TSPAN5: variants seen among roughly 807,000 people sequenced by gnomAD.
TSPAN5 encodes tetraspanin 5.
Under a neutral mutation model 37.1 loss-of-function variants are expected in TSPAN5, and 10 were observed. That is an observed-to-expected ratio of 0.27 (90% CI 0.17 to 0.46). The LOEUF (loss-of-function observed/expected upper bound fraction) is 0.46, where lower values mean the gene tolerates loss of function less well. TSPAN5 is among the 20% of genes least tolerant of loss of function. The pLI, the probability that TSPAN5 is intolerant of heterozygous loss-of-function variation, is 1.00. For missense variants in TSPAN5, 195 were observed against 326.6 expected (o/e 0.60, Z 3.11); for synonymous variants, 110 against 118.9 (o/e 0.93, Z 0.48).
intron 2 of TSPAN5, among the ~76,000 whole-genome samples, chr4:98,490,272 C>T (rs1431715728): frequency 1.3e-5 from 2 of 152,148 alleles, no homozygotes; most frequent in African/African-American, 2.4e-5. Context: ...GCAAACATAC[C>T]TATGCCCGAA....
At chr4:98,533,846 G>A (rs532378914) in intron 1 of TSPAN5, among the ~76,000 whole-genome samples, 6 of 145,572 alleles carry the variant, frequency 4.1e-5, no homozygotes, top group Admixed American at 7.0e-5. Flanking sequence ...CACAGCACCC[G>A]GCCCCCTATA....
At chr4:98,479,064 G>A (rs1184590197) in intron 4 of TSPAN5, among the ~76,000 whole-genome samples, 2 of 152,182 alleles carry the variant, frequency 1.3e-5, no homozygotes, top group Non-Finnish European at 2.9e-5. Flanking sequence ...TGGAAGAAGG[G>A]CAGAGCAGCT....
chr4:98,591,889 A>G (rs1297701500), intron 1 of TSPAN5, among the ~76,000 whole-genome samples: 1 of 151,978 alleles, frequency 6.6e-6, no homozygotes, highest in Admixed American at 6.5e-5. Context: ...TGAAAATGGT[A>G]AGAACCAAAA....
At chr4:98,618,490 A>T (rs1009584190) in intron 1 of TSPAN5, among the ~76,000 whole-genome samples, 2 of 152,246 alleles carry the variant, frequency 1.3e-5, no homozygotes, top group Non-Finnish European at 2.9e-5. Context: ...ACTAATATTG[A>T]TTGAGCTTCA....
chr4:98,512,203 C>T (rs959921881), intron 1 of TSPAN5, among the ~76,000 whole-genome samples: 7 of 151,994 alleles, frequency 4.6e-5, no homozygotes, highest in African/African-American at 1.2e-4. Flanking sequence ...CAGAGCAAGA[C>T]TCCGTCTCAA....
chr4:98,538,048 G>A (rs1416258497), intron 1 of TSPAN5, among the ~76,000 whole-genome samples: 2 of 152,252 alleles, frequency 1.3e-5, no homozygotes, highest in Non-Finnish European at 2.9e-5. Context: ...CTGAGGTGCT[G>A]GATGGTGTCA....
rs1377309675 is a variant in TSPAN5, at chr4:98,510,880, A to G, written c.82-3152T>C. Among the ~76,000 whole-genome samples, 8 of 152,308 alleles carry G rather than the reference A, an allele frequency of 5.3e-5. No individual in the cohort carries two copies. The Middle Eastern group carries it at 0.014, about 259-fold the overall frequency. On this transcript the variant is annotated intron_variant, in intron 1 of 7. Coordinates refer to ENST00000305798, the MANE Select transcript of TSPAN5 (RefSeq NM_005723.4). ...ATGTCCTCCCAATTATTCTCAGACC[A>G]TATGTTTTGTTTTAAAATCAAGTTG... is the stretch of plus-strand genomic sequence containing the variant.
intron 1 of TSPAN5, among the ~76,000 whole-genome samples, chr4:98,615,965 A>C (rs1456923274): frequency 1.3e-5 from 2 of 152,194 alleles, no homozygotes; most frequent in African/African-American, 4.8e-5. Flanking sequence ...AAGTGAAATC[A>C]AAAGGAAACA....
At chr4:98,530,026 C>G (rs1476043977) in intron 1 of TSPAN5, among the ~76,000 whole-genome samples, 1 of 152,224 alleles carries the variant, frequency 6.6e-6, no homozygotes, top group South Asian at 2.1e-4. Flanking sequence ...ACTTCAGACT[C>G]TGAGTTCCTT....
chr4:98,647,687 C>T (rs1757098255), intron 1 of TSPAN5, among the ~76,000 whole-genome samples: 1 of 152,120 alleles, frequency 6.6e-6, no homozygotes, highest in Non-Finnish European at 1.5e-5. Context: ...GTTTTGCCAT[C>T]CACAAAAACA....
intron 3 of TSPAN5, 199 bp downstream of exon 3, chr4:98,486,538 TG>T (rs1258369641): frequency 1.8e-6 from 1 of 550,708 alleles, no homozygotes; most frequent in Non-Finnish European, 3.2e-6. Flanking sequence ...GGTGGGGTGG[TG>T]GGGGTGGTGT....
At chr4:98,480,623 CTG>C (rs1184690830) in intron 4 of TSPAN5, among the ~76,000 whole-genome samples, 1 of 152,170 alleles carries the variant, frequency 6.6e-6, no homozygotes, top group Admixed American at 6.5e-5. Context: ...TCACATGAAA[CTG>C]TAGTATTTCC....
chr4:98,629,220 G>A (rs1469727219), intron 1 of TSPAN5, among the ~76,000 whole-genome samples: 1 of 152,172 alleles, frequency 6.6e-6, no homozygotes, highest in Non-Finnish European at 1.5e-5. Flanking sequence ...GTTGTACTGT[G>A]TATTACACAT....
At chr4:98,476,609 A>G in intron 5 of TSPAN5, 149 bp from the exon 6 acceptor site, 1 of 672,308 alleles carries the variant, frequency 1.5e-6, no homozygotes, top group Non-Finnish European at 2.6e-6. Context: ...CTTTATATAC[A>G]TGATCCCATG....
chr4:98,534,877 T>A (rs1754197453), intron 1 of TSPAN5, among the ~76,000 whole-genome samples: 1 of 152,202 alleles, frequency 6.6e-6, no homozygotes, highest in Non-Finnish European at 1.5e-5. Context: ...GGCTTTCCAT[T>A]TGCTTGGTAA....
intron 2 of TSPAN5, among the ~76,000 whole-genome samples, chr4:98,505,787 C>T (rs1753466699): frequency 3.9e-5 from 6 of 152,172 alleles, no homozygotes; most frequent in Admixed American, 2.6e-4. Context: ...CGGCTAACAC[C>T]CGCTTCACCC....
At chr4:98,568,147 A>C (rs989631748) in intron 1 of TSPAN5, among the ~76,000 whole-genome samples, 2 of 152,190 alleles carry the variant, frequency 1.3e-5, no homozygotes, top group Admixed American at 6.5e-5. Flanking sequence ...TGAGATAGGC[A>C]AGATGGGTTT....
chr4:98,555,446 C>T (rs1366088625), intron 1 of TSPAN5, among the ~76,000 whole-genome samples: 2 of 152,110 alleles, frequency 1.3e-5, no homozygotes, highest in South Asian at 2.1e-4. Flanking sequence ...GCCACCTTTG[C>T]GAATTTATTC....
Position 98,625,074 on chromosome 4 carries a change from G to C in TSPAN5, c.81+33072C>G, listed in dbSNP as rs181549323. The stretch of plus-strand genomic sequence containing the variant: ...AACAACAATAATAGGAAAGGGAGGA[G>C]GAGAAAAAGCTAATAATTGTTGAGT... On this transcript the variant is annotated intron_variant, in intron 1 of 7. Coordinates refer to ENST00000305798, the MANE Select transcript of TSPAN5 (RefSeq NM_005723.4). 9.5e-3 allele frequency among the ~76,000 whole-genome samples: 1,448 copies of C among 152,262 alleles called. 27 individuals carry two copies. Among genetic ancestry groups the C allele is most frequent in the African/African-American group, 0.033 (1,374 of 41,548 alleles).
Sources: allele counts gnomAD v4.1 joint callset (sites outside exome capture counted in the v4.1 genomes callset), GRCh38; gene constraint gnomAD v4.1.1; transcripts MANE v1.5; gene names NCBI Gene and HGNC (gene_info 2026-07-23, HGNC 2026-07-21).